FAAH2: variants seen among roughly 807,000 people sequenced by gnomAD.
The protein encoded by FAAH2 is fatty acid amide hydrolase 2, also known as fatty-acid amide hydrolase 2.
In FAAH2, 60 loss-of-function variants were observed where a neutral mutation model predicts 36.9. The observed-to-expected ratio is 1.63, with a 90% CI of 1.32 to 2.02. The LOEUF (loss-of-function observed/expected upper bound fraction) is 2.02, where lower values mean the gene tolerates loss of function less well. Ranked by LOEUF, FAAH2 falls within the 30% of genes most tolerant of loss-of-function variation. The pLI is 0.00. For missense variants in FAAH2, 689 were observed against 397.5 expected (o/e 1.73, Z -6.23); for synonymous variants, 214 against 143.8 (o/e 1.49, Z -3.49).
Position 57,312,282 on chromosome X carries a change from T to C in FAAH2, c.412+1553T>C, listed in dbSNP as rs2052715658. ...AGCTACCGGCCATTACTCTTATGCT[T>C]CATCTACTGGATTGCAGCCCAAACT... On this transcript the variant is annotated intron_variant, in intron 3 of 10. Coordinates refer to ENST00000374900, the MANE Select transcript of FAAH2 (RefSeq NM_174912.4). Among the ~76,000 whole-genome samples the C allele has an allele frequency of 3.6e-5, 4 of 111,915 alleles. No individual in the cohort carries two copies. The South Asian group carries it at 1.5e-3, about 41-fold the overall frequency.
At chrX:57,401,794 G>A (rs1425329937) in intron 7 of FAAH2, among the ~76,000 whole-genome samples, 1 of 111,289 alleles carries the variant, frequency 9.0e-6, no homozygotes, top group Non-Finnish European at 1.9e-5. Context: ...CCTTCCTCAA[G>A]CAGGGGACAA....
At chrX:57,476,743 A>C (rs775664407) in intron 10 of FAAH2, among the ~76,000 whole-genome samples, 11 of 111,424 alleles carry the variant, frequency 9.9e-5, no homozygotes, top group Non-Finnish European at 2.1e-4. Flanking sequence ...ATTGTTTGGA[A>C]TAGTTTCAGA....
At chrX:57,277,918 A>G in the FAAH2 span, among the ~76,000 whole-genome samples, 2 of 111,973 alleles carry the variant, frequency 1.8e-5, no homozygotes, top group Non-Finnish European at 3.8e-5. Flanking sequence ...TCAAGGAAGT[A>G]AAACCGGAGC....
intron 5 of FAAH2, among the ~76,000 whole-genome samples, chrX:57,349,804 A>C (rs971489347): frequency 1.8e-5 from 2 of 110,189 alleles, no homozygotes; most frequent in African/African-American, 6.6e-5. Flanking sequence ...ATATTCCTAA[A>C]TGTGAGGATA....
chrX:57,407,612 T>G (rs1202626652), intron 7 of FAAH2, among the ~76,000 whole-genome samples: 1 of 111,726 alleles, frequency 9.0e-6, no homozygotes, highest in Non-Finnish European at 1.9e-5. Flanking sequence ...CCCTCAGCTT[T>G]CCACTCGGGG....
intron 7 of FAAH2, among the ~76,000 whole-genome samples, chrX:57,398,030 C>T (rs1294984847): frequency 9.0e-6 from 1 of 111,524 alleles, no homozygotes; most frequent in African/African-American, 3.3e-5. Context: ...AGGACATGAA[C>T]TCATCTTTTT....
At chrX:57,167,233 C>T in the FAAH2 span, among the ~76,000 whole-genome samples, 25 of 111,391 alleles carry the variant, frequency 2.2e-4, no homozygotes, top group South Asian at 8.5e-3. Context: ...AACAAAACGG[C>T]CCCATTTTCC....
At chrX:57,443,325 C>G (rs1044979314) in intron 8 of FAAH2, among the ~76,000 whole-genome samples, 4 of 111,745 alleles carry the variant, frequency 3.6e-5, no homozygotes, top group African/African-American at 1.3e-4. Flanking sequence ...TCGTTTTTCT[C>G]TAAACTTCTG....
chrX:57,335,376 T>C (rs772875645), intron 4 of FAAH2, among the ~76,000 whole-genome samples: 6 of 111,968 alleles, frequency 5.4e-5, no homozygotes, highest in Admixed American at 4.7e-4. Flanking sequence ...GGCAGGACAA[T>C]AGGATAATAG....
intron 1 of FAAH2, 29 bp downstream of exon 1, chrX:57,287,046 G>T (rs1432698140): frequency 1.8e-6 from 2 of 1,125,794 alleles, no homozygotes; most frequent in Admixed American, 5.5e-5. Context: ...AGAGGCTGGA[G>T]GGACAGGTCT....
the FAAH2 span, among the ~76,000 whole-genome samples, chrX:57,240,582 G>A: frequency 8.9e-6 from 1 of 112,132 alleles, no homozygotes; most frequent in South Asian, 3.6e-4. Context: ...GTCTGCAAGT[G>A]CACACAGTCT....
At chrX:57,412,443 A>G (rs770094547) in intron 7 of FAAH2, among the ~76,000 whole-genome samples, 6 of 109,776 alleles carry the variant, frequency 5.5e-5, no homozygotes, top group Admixed American at 1.9e-4. Flanking sequence ...TCATTGTTCA[A>G]CTCCCAGTTA....
At chrX:57,215,773 C>T in the FAAH2 span, among the ~76,000 whole-genome samples, 1 of 109,086 alleles carries the variant, frequency 9.2e-6, no homozygotes, top group Non-Finnish European at 1.9e-5. Flanking sequence ...AATAAGAACA[C>T]ATGGACACAG....
intron 10 of FAAH2, among the ~76,000 whole-genome samples, chrX:57,455,924 G>T (rs750859869): frequency 1.8e-5 from 2 of 111,881 alleles, no homozygotes; most frequent in East Asian, 5.6e-4. Flanking sequence ...AGAAATTCTG[G>T]ATTGAAACTT....
chrX:57,460,506 CAA>C (rs1569360497), intron 10 of FAAH2, among the ~76,000 whole-genome samples: 1 of 110,076 alleles, frequency 9.1e-6, no homozygotes. Context: ...CCAGTATTCT[CAA>C]AGAAAAGAAT....
the FAAH2 span, among the ~76,000 whole-genome samples, chrX:57,219,474 G>A: frequency 9.0e-6 from 1 of 111,719 alleles, no homozygotes; most frequent in Middle Eastern, 4.7e-3. Context: ...CACTGATCTC[G>A]CCTACTGGTA....
At chrX:57,261,019 A>G in the FAAH2 span, among the ~76,000 whole-genome samples, 1 of 111,833 alleles carries the variant, frequency 8.9e-6, no homozygotes, top group East Asian at 2.8e-4. Context: ...CATCTACCAT[A>G]AAACCCAATC....
At chrX:57,254,774 A>T in the FAAH2 span, among the ~76,000 whole-genome samples, 4 of 112,204 alleles carry the variant, frequency 3.6e-5, no homozygotes, top group African/African-American at 1.3e-4. Context: ...CATTTAAAGC[A>T]GTGTGTAGAG....
At chrX:57,396,724 G>C (rs1318163878) in intron 7 of FAAH2, among the ~76,000 whole-genome samples, 2 of 111,581 alleles carry the variant, frequency 1.8e-5, no homozygotes, top group Non-Finnish European at 3.8e-5. Context: ...ATTTTTTCAA[G>C]TGTATTGAGC....
Sources: gnomAD v4.1 joint callset for allele counts (sites outside exome capture counted in the v4.1 genomes callset) on GRCh38, gnomAD v4.1.1 for gene constraint, MANE v1.5 for transcripts, NCBI Gene and HGNC (gene_info 2026-07-23, HGNC 2026-07-21) for gene names.